MRPL58: variants seen among roughly 807,000 people sequenced by gnomAD.
The protein encoded by MRPL58 is mitochondrial ribosomal protein L58.
A neutral mutation model predicts 26.0 loss-of-function variants in MRPL58; 17 were observed. The observed-to-expected ratio is 0.65, with a 90% CI of 0.45 to 0.98. MRPL58 has a LOEUF of 0.98. Ranked by LOEUF, MRPL58 falls within the 50% of genes least tolerant of loss-of-function variation. The pLI, the probability that MRPL58 is intolerant of heterozygous loss-of-function variation, is 0.00. For missense variants in MRPL58, 250 were observed against 269.0 expected (o/e 0.93, Z 0.49); for synonymous variants, 100 against 99.7 (o/e 1.00, Z -0.02).
At position 75,012,675 on chromosome 17, in the gene MRPL58, C is replaced by A. The variant is rs1307407390; in HGVS notation, c.-12C>A. On this transcript the variant is annotated 5_prime_UTR_variant, in exon 1 of 6. Coordinates refer to ENST00000301585, the MANE Select transcript of MRPL58 (RefSeq NM_001545.3). ...AGGAAGCGCCCGCCGGAAGCAGTCG[C>A]AAGACCTGAGCATGGCGGCCACCAG... 2 of 1,531,506 alleles carry A rather than the reference C, an allele frequency of 1.3e-6. No individual in the cohort carries two copies. The highest frequency in any genetic ancestry group is 2.8e-5 in the African/African-American group (2 of 71,048). 94.9% of individuals were successfully genotyped at this position (1,531,506 alleles called of 1,614,324 possible). A position where few individuals can be genotyped will look rare whatever the true frequency, so the allele number is the denominator to read the frequency against.
At chr17:75,013,562 T>C (rs2039949793) in intron 1 of MRPL58, among the ~76,000 whole-genome samples, 1 of 152,088 alleles carries the variant, frequency 6.6e-6, no homozygotes, top group African/African-American at 2.4e-5. Flanking sequence ...ATGACTAATA[T>C]AGAATGTGTG....
Position 75,021,109 on chromosome 17 carries a change from A to T in MRPL58, c.*104A>T. 1 of 752,674 alleles carries T rather than the reference A, an allele frequency of 1.3e-6. No individual in the cohort carries two copies. The highest frequency in any genetic ancestry group is 2.3e-6 in the Non-Finnish European group (1 of 428,716). 46.6% of individuals were successfully genotyped at this position (752,674 alleles called of 1,614,324 possible). ...ATTTCTGTTTTTCTTTTTGGCTGTT[A>T]ATGCTTGTCTATAACATTGGAGCCA... On this transcript the variant is annotated 3_prime_UTR_variant, in exon 6 of 6. Transcript: ENST00000301585.
At position 75,020,987 on chromosome 17, in the gene MRPL58, G is replaced by A. The variant is rs932787730; in HGVS notation, c.603G>A (p.Arg201=). 5 of 1,613,638 alleles carry A rather than the reference G, an allele frequency of 3.1e-6. No homozygotes were observed. The highest frequency in any genetic ancestry group is 2.5e-6 in the Non-Finnish European group (3 of 1,179,516). ...KRIHSAVKTS[R]RVDMD ...TTCATTCTGCTGTAAAGACAAGCAG[G>A]AGGGTCGACATGGACTGAAATCACC... The change falls in exon 6 of 6, where the codon AGG becomes AGA. Residue 201 remains arginine (R), a synonymous_variant. Transcript: ENST00000301585.
intron 5 of MRPL58, 88 bp from the exon 6 acceptor site, chr17:75,020,833 G>A (rs923859699): frequency 7.5e-5 from 94 of 1,248,410 alleles, no homozygotes; most frequent in South Asian, 9.8e-5. Context: ...GTAACTGCTC[G>A]GCTTCCCGTT....
chr17:75,020,022 G>A (rs966220859), intron 3 of MRPL58, among the ~76,000 whole-genome samples: 5 of 151,632 alleles, frequency 3.3e-5, no homozygotes, highest in African/African-American at 1.2e-4. Context: ...TCCAAGAACA[G>A]GTTTCTTTCA....
At chr17:75,014,440 G>GC (rs1160506441) in intron 1 of MRPL58, among the ~76,000 whole-genome samples, 5 of 113,158 alleles carry the variant, frequency 4.4e-5, no homozygotes, top group African/African-American at 2.1e-4. Flanking sequence ...ACCGCGCCAG[G>GC]CTTTTTTTTT....
At chr17:75,014,300 C>T (rs1052839694) in intron 1 of MRPL58, among the ~76,000 whole-genome samples, 12 of 149,852 alleles carry the variant, frequency 8.0e-5, no homozygotes, top group Admixed American at 6.0e-4. Context: ...ATTCTCCTGC[C>T]TCAGTCTCCT....
chr17:75,017,465 T>G (rs1041811015), intron 2 of MRPL58, among the ~76,000 whole-genome samples: 1 of 151,972 alleles, frequency 6.6e-6, no homozygotes, highest in African/African-American at 2.4e-5. Context: ...ATACAAAAAT[T>G]AGGCCAGGCG....
intron 1 of MRPL58, among the ~76,000 whole-genome samples, chr17:75,015,852 A>G (rs1224527161): frequency 6.6e-6 from 1 of 151,578 alleles, no homozygotes; most frequent in Non-Finnish European, 1.5e-5. Flanking sequence ...CAGTGTCCTG[A>G]TCTCAGCTCA....
chr17:75,018,088 A>G (rs2039987014), intron 2 of MRPL58, among the ~76,000 whole-genome samples: 1 of 152,176 alleles, frequency 6.6e-6, no homozygotes. Flanking sequence ...GTCGCATCGT[A>G]CTGTGCCGTG....
intron 4 of MRPL58, 34 bp downstream of exon 4, chr17:75,020,429 C>T (rs371138124): frequency 1.1e-5 from 18 of 1,613,666 alleles, no homozygotes; most frequent in Non-Finnish European, 1.4e-5. Flanking sequence ...CTAGAAATCC[C>T]TCAGTGGCTT....
chr17:75,019,671 TTG>T (rs763493248), intron 2 of MRPL58, 27 bp from the exon 3 acceptor site: 1 of 1,603,610 alleles, frequency 6.2e-7, no homozygotes, highest in Non-Finnish European at 8.5e-7. Flanking sequence ...GTAATCAGTT[TTG>T]TGTGTGTACT....
At position 75,020,755 on chromosome 17, in the gene MRPL58, G is replaced by A. The variant is rs1348561959; in HGVS notation, c.536+98G>A. On this transcript the variant is annotated intron_variant, in intron 5 of 5. Transcript: ENST00000301585. ...AGGGGAGAGTCCAAGGCCGGCCTTGGGAGAAACTCTAGGAAGAGGAGAGGA... is the reference window on the plus strand; with the variant it reads ...AGGGGAGAGTCCAAGGCCGGCCTTGAGAGAAACTCTAGGAAGAGGAGAGGA... The A allele has an allele frequency of 4.1e-5, 57 of 1,374,266 alleles. No individual in the cohort carries two copies. In the Admixed American group the frequency reaches 1.0e-3, roughly 24 times the overall value. 85.1% of individuals were successfully genotyped at this position (1,374,266 alleles called of 1,614,324 possible). A position where few individuals can be genotyped will look rare whatever the true frequency, so the allele number is the denominator to read the frequency against.
intron 1 of MRPL58, among the ~76,000 whole-genome samples, chr17:75,016,064 G>A (rs1022790707): frequency 6.7e-6 from 1 of 148,294 alleles, no homozygotes; most frequent in Non-Finnish European, 1.5e-5. Flanking sequence ...GGATTACGGC[G>A]TGAGCCACTG....
intron 3 of MRPL58, 176 bp from the exon 4 acceptor site, chr17:75,020,137 C>T (rs2040004643): frequency 1.7e-6 from 1 of 587,158 alleles, no homozygotes; most frequent in Non-Finnish European, 3.0e-6. Context: ...CTATTTTTGC[C>T]CAAAAGTGCC....
chr17:75,017,468 G>T (rs2144884793), intron 2 of MRPL58, among the ~76,000 whole-genome samples: 1 of 152,242 alleles, frequency 6.6e-6, no homozygotes, highest in African/African-American at 2.4e-5. Context: ...CAAAAATTAG[G>T]CCAGGCGCAG....
At chr17:75,016,638 G>C (rs1201690648) in intron 1 of MRPL58, among the ~76,000 whole-genome samples, 7 of 150,632 alleles carry the variant, frequency 4.6e-5, no homozygotes, top group Admixed American at 3.3e-4. Context: ...AAACCCTCAG[G>C]GTGCAATTAT....
At position 75,019,710 on chromosome 17, in the gene MRPL58, A is replaced by G; in HGVS notation, c.234A>G (p.Thr78=). The part of the protein sequence containing the change: ...ADSDIPLDRL[T]ISYCRSSGPG... ...TCTTCTGTTTTACAGATCGCTTGAC[A>G]ATATCTTATTGTCGGAGTAGTGGTC... is the stretch of plus-strand genomic sequence containing the variant. The change falls in exon 3 of 6, where the codon ACA becomes ACG. Residue 78 remains threonine (T), a synonymous_variant. Coordinates refer to ENST00000301585, the MANE Select transcript of MRPL58 (RefSeq NM_001545.3). The G allele has an allele frequency of 6.2e-7, 1 of 1,612,866 alleles. No individual in the cohort carries two copies. The highest frequency in any genetic ancestry group is 2.2e-5 in the East Asian group (1 of 44,814).
intron 2 of MRPL58, 69 bp from the exon 3 acceptor site, chr17:75,019,631 A>T: frequency 6.9e-7 from 1 of 1,452,592 alleles, no homozygotes; most frequent in South Asian, 1.2e-5. Context: ...CATTCCTCAG[A>T]CACAACAAGA....
Sources: allele counts gnomAD v4.1 joint callset (sites outside exome capture counted in the v4.1 genomes callset), GRCh38; gene constraint gnomAD v4.1.1; transcripts MANE v1.5; gene names NCBI Gene and HGNC (gene_info 2026-07-23, HGNC 2026-07-21).